The following TTN variants were observed in gnomAD, a reference collection of about 807,000 sequenced individuals.
The protein encoded by TTN is connectin.
Under a neutral mutation model 3,223.0 loss-of-function variants are expected in TTN, and 1,525 were observed. The ratio of observed to expected loss-of-function variants is 0.47; its 90% CI spans 0.45 to 0.49. The LOEUF (loss-of-function observed/expected upper bound fraction) is 0.49. Ranked by LOEUF, TTN falls within the 20% of genes least tolerant of loss-of-function variation. The pLI is 0.00. For missense variants in TTN, 40,786 were observed against 43,424.0 expected (o/e 0.94, Z 5.40); for synonymous variants, 14,094 against 15,161.0 (o/e 0.93, Z 5.17).
Position 178,773,488 on chromosome 2 carries a change from T to C in TTN, c.7568A>G (p.Glu2523Gly). 6.2e-7 allele frequency: 1 copy of C among 1,614,078 alleles called. No homozygotes were observed. Among genetic ancestry groups the C allele is most frequent in the Non-Finnish European group, 8.5e-7 (1 of 1,179,972 alleles). Residue 2523 changes from glutamate (E) to glycine (G), a missense_variant, in exon 32 of 363, where the codon GAA (glutamate) becomes GGA (glycine). Coordinates refer to ENST00000589042, the MANE Select transcript of TTN (RefSeq NM_001267550.2). ...TTCTACAGAGAGATTACAGTTGGTT[T>C]CAACTCTGCCAACTATCAGCTTGTA... ...GPYKLIVGRV[E>G]TNCNLSVEKI...
At position 178,619,860 on chromosome 2, in the gene TTN, G is replaced by A. The variant is rs1234009054; in HGVS notation, c.46457C>T (p.Pro15486Leu). Residue 15486 changes from proline to leucine, a missense_variant, in exon 250 of 363, where the codon CCA (proline) becomes CTA (leucine). Physicochemically the swap from Pro to Leu is moderately conservative, Grantham distance 98. Coordinates refer to ENST00000589042, the MANE Select transcript of TTN (RefSeq NM_001267550.2). ...EEIPVEIIRP[P>L]QDILEAPGAD... is the part of the protein sequence containing the mutation. ...ACCAGGGGCTTCAAGAATATCTTGT[G>A]GAGGCCTGATGATCTCAACAGGAAT... The A allele has an allele frequency of 1.9e-6, 3 of 1,611,432 alleles. No individual in the cohort carries two copies. The African/African-American group carries it at 4.0e-5, about 22-fold the overall frequency.
At chr2:178,649,784 A>T in intron 211 of TTN, 33 bp downstream of exon 211, 1 of 1,599,430 alleles carries the variant, frequency 6.3e-7, no homozygotes, top group Non-Finnish European at 8.5e-7. Context: ...TGTAGACACC[A>T]CAAAAATGAA....
At position 178,707,782 on chromosome 2, in the gene TTN, G is replaced by A. The variant is rs773200956; in HGVS notation, c.28785C>T (p.His9595=). ...EPKKPPVFDQ[H]LTPVTVSEGE... ...CTTCACTCACTGTTACTGGAGTAAG[G>A]TGCTGATCAAATACAGGTGGCTTCT... Residue 9595 remains histidine (H), a synonymous_variant, in exon 100 of 363, where the codon CAC becomes CAT. Coordinates refer to ENST00000589042, the MANE Select transcript of TTN (RefSeq NM_001267550.2). The A allele has an allele frequency of 6.2e-7, 1 of 1,609,540 alleles. No homozygotes were observed. Among genetic ancestry groups the A allele is most frequent in the South Asian group, 1.1e-5 (1 of 90,618 alleles).
At chr2:178,779,820 C>T (rs2092605814) in intron 22 of TTN, 180 bp downstream of exon 22, 1 of 630,444 alleles carries the variant, frequency 1.6e-6, no homozygotes, top group South Asian at 2.0e-5. Context: ...TATGTAATCT[C>T]TATTTCTAAA....
Position 178,607,624 on chromosome 2 carries a change from C to T in TTN, c.53064G>A (p.Lys17688=), listed in dbSNP as rs750979372. ...TCACCACAGCTGGAATTCTAAGAGT[C>T]TTCCCAGCCATTATTTGTATTCCAC... is the stretch of plus-strand genomic sequence containing the variant. ...VKGGIQIMAG[K]TLRIPAVVTG... is the part of the protein sequence containing the mutation. The change falls in exon 277 of 363, where the codon AAG becomes AAA. Residue 17688 remains lysine (K), a synonymous_variant. Transcript: ENST00000589042. 1 of 1,613,056 alleles carries T rather than the reference C, an allele frequency of 6.2e-7. No homozygotes were observed. Among genetic ancestry groups the T allele is most frequent in the Non-Finnish European group, 8.5e-7 (1 of 1,179,398 alleles).
At chr2:178,759,253 A>G in intron 43 of TTN, 81 bp from the exon 44 acceptor site, 1 of 1,361,832 alleles carries the variant, frequency 7.3e-7, no homozygotes, top group Non-Finnish European at 1.0e-6. Flanking sequence ...CAATGTTAAT[A>G]ATACTAGTGC....
rs1266298136 is a variant in TTN at position 178,665,777 on chromosome 2, G to C, written c.35890C>G (p.Arg11964Gly). Residue 11964 changes from arginine (R) to glycine (G), a missense_variant, in exon 164 of 363, where the codon CGA becomes GGA. Coordinates refer to ENST00000589042, the MANE Select transcript of TTN (RefSeq NM_001267550.2). ...TPSPTVPESP[R>G]EIVPVKETPM... The stretch of plus-strand genomic sequence containing the variant: ...GTTTCCTTTACAGGGACAATTTCTC[G>C]AGGTGATTCAGGCACTTTAAAGATA... The C allele has an allele frequency of 1.2e-5, 16 of 1,294,556 alleles. No individual in the cohort carries two copies. Among genetic ancestry groups the C allele is most frequent in the Non-Finnish European group, 1.1e-5 (11 of 1,026,088 alleles). 80.2% of individuals were successfully genotyped at this position (1,294,556 alleles called of 1,614,324 possible).
rs774740211 is a variant in TTN, at chr2:178,599,443, G to A, written c.56350C>T (p.Arg18784Cys). 7 of 1,521,986 alleles carry A rather than the reference G, an allele frequency of 4.6e-6. No homozygotes were observed. The highest frequency in any genetic ancestry group is 6.1e-6 in the Non-Finnish European group (7 of 1,138,344). 94.3% of individuals were successfully genotyped at this position (1,521,986 alleles called of 1,614,324 possible). ...SKEMRLNVLG[R>C]PGPPVGPIKF... Reference sequence around the variant, plus strand: ...ATGGGTCCCACTGGAGGGCCAGGACGACCTAAAATGGTTTAAAGAAGGAAC... The same window carrying A: ...ATGGGTCCCACTGGAGGGCCAGGACAACCTAAAATGGTTTAAAGAAGGAAC... The change falls in exon 290 of 363, where the codon CGT (arginine) becomes TGT (cysteine). Residue 18784 changes from arginine to cysteine, a missense_variant and splice_region_variant. Transcript: ENST00000589042.
At chr2:178,649,983 T>A in intron 210 of TTN, 89 bp from the exon 211 acceptor site, 4 of 1,456,244 alleles carry the variant, frequency 2.7e-6, no homozygotes, top group Non-Finnish European at 3.8e-6. Context: ...ACATATTTCT[T>A]GGTATATGTG....
chr2:178,775,410 T>G lies in TTN; in HGVS notation c.6454A>C (p.Lys2152Gln). The change falls in exon 28 of 363, where the codon AAA becomes CAA. Residue 2152 changes from lysine (K) to glutamine (Q), a missense_variant. Coordinates refer to ENST00000589042, the MANE Select transcript of TTN (RefSeq NM_001267550.2). ...GTTTCTCCAGCTATGTTGATGGCTT[T>G]TACCATGATGCTGGCAGAGTCCTCA... ...TAEDSASIMV[K>Q]AINIAGETSS... The G allele has an allele frequency of 6.2e-7, 1 of 1,614,092 alleles. No homozygotes were observed. The highest frequency in any genetic ancestry group is 8.5e-7 in the Non-Finnish European group (1 of 1,180,004).
intron 47 of TTN, chr2:178,751,006 AT>A (rs1483978071): frequency 6.2e-7 from 1 of 1,612,414 alleles, no homozygotes; most frequent in African/African-American, 1.3e-5. Context: ...AAATTTCTTC[AT>A]CAACAATAGT....
chr2:178,756,191 T>C (rs758234750), intron 46 of TTN, 31 bp downstream of exon 46: 1 of 1,508,668 alleles, frequency 6.6e-7, no homozygotes, highest in Non-Finnish European at 9.1e-7. Context: ...GAGGATGAAA[T>C]GAAGCAAGTC....
At position 178,536,296 on chromosome 2, in the gene TTN, G is replaced by C. The variant is rs1235877834; in HGVS notation, c.100451C>G (p.Pro33484Arg). The change falls in exon 357 of 363, where the codon CCC becomes CGC. Residue 33484 changes from proline to arginine, a missense_variant. Physicochemically the swap from Pro to Arg is moderately radical, Grantham distance 103. Coordinates refer to ENST00000589042, the MANE Select transcript of TTN (RefSeq NM_001267550.2). ...TGGGACATCAGATTTGGGAGTGATG[G>C]GTTCTGATATTTCACTCCATTCACT... ...GESEWSEISE[P>R]ITPKSDVPIQ... The C allele has an allele frequency of 3.7e-6, 6 of 1,613,494 alleles. No homozygotes were observed. The African/African-American group carries it at 8.0e-5, about 22-fold the overall frequency.
rs555476312 is a variant in TTN at position 178,530,482 on chromosome 2, G to C, written c.106133C>G (p.Ala35378Gly). Reference protein sequence around the residue: ...SKTNLQFMGQAFKSIHEKVSK... With the variant: ...SKTNLQFMGQGFKSIHEKVSK... Reference sequence around the variant, plus strand: ...TACCTTCTCATGGATACTCTTAAAGGCTTGCCCCATAAATTGTAAGTTGGT... The same window carrying C: ...TACCTTCTCATGGATACTCTTAAAGCCTTGCCCCATAAATTGTAAGTTGGT... Residue 35378 changes from alanine (A) to glycine (G), a missense_variant, in exon 358 of 363, where the codon GCC becomes GGC. Transcript: ENST00000589042. The C allele has an allele frequency of 4.1e-5, 66 of 1,613,816 alleles. No individual in the cohort carries two copies. The highest frequency in any genetic ancestry group is 3.7e-4 in the Admixed American group (22 of 60,000).
chr2:178,570,883 G>T lies in TTN; in HGVS notation c.75249C>A (p.Ala25083=), dbSNP rs267599037. The T allele has an allele frequency of 1.2e-6, 2 of 1,613,430 alleles. No individual in the cohort carries two copies. The highest frequency in any genetic ancestry group is 1.1e-5 in the South Asian group (1 of 91,070). ...EDHRYEFRVI[A]RNAAGVFSEP... ...CACTAAACACTCCTGCGGCATTTCGGGCTATAACCCGGAACTCATATCTGT... is the reference window on the plus strand; with the variant it reads ...CACTAAACACTCCTGCGGCATTTCGTGCTATAACCCGGAACTCATATCTGT... Residue 25083 remains alanine (A), a synonymous_variant, in exon 326 of 363, where the codon GCC becomes GCA. Coordinates refer to ENST00000589042, the MANE Select transcript of TTN (RefSeq NM_001267550.2).
chr2:178,695,819 C>G (rs2073601637), intron 114 of TTN, 46 bp downstream of exon 114: 1 of 1,348,492 alleles, frequency 7.4e-7, no homozygotes, highest in Non-Finnish European at 9.6e-7. Flanking sequence ...ATGAACTGAG[C>G]AAAAATGAAG....
intron 336 of TTN, 114 bp downstream of exon 336, chr2:178,550,853 T>C (rs1278354573): frequency 1.1e-6 from 1 of 937,854 alleles, no homozygotes; most frequent in African/African-American, 1.7e-5. Flanking sequence ...ATTCATCCAC[T>C]TAGCAACCTT....
At position 178,800,499 on chromosome 2, in the gene TTN, C is replaced by T; in HGVS notation, c.479G>A (p.Ser160Asn). ...FQISQEGDLYSLLIAEAYPED... is the reference protein window; with the variant it reads ...FQISQEGDLYNLLIAEAYPED... ...AGGGTATGCTTCTGCAATCAGTAAGCTGTAGAGGTCGCCTTCTTGTGAAAT... is the reference window on the plus strand; with the variant it reads ...AGGGTATGCTTCTGCAATCAGTAAGTTGTAGAGGTCGCCTTCTTGTGAAAT... The change falls in exon 4 of 363, where the codon AGC (serine) becomes AAC (asparagine). Residue 160 changes from serine (S) to asparagine (N), a missense_variant. Physicochemically the swap from Ser to Asn is conservative, Grantham distance 46. Transcript: ENST00000589042. 1 of 1,614,166 alleles carries T rather than the reference C, an allele frequency of 6.2e-7. No individual in the cohort carries two copies. Among genetic ancestry groups the T allele is most frequent in the Non-Finnish European group, 8.5e-7 (1 of 1,180,020 alleles).
Position 178,582,134 on chromosome 2 carries a change from G to A in TTN, c.66235C>T (p.Pro22079Ser). ...KDHMTVSWKP[P>S]ADDGGSPITG... ...ATGGGTGAGCCCCCATCATCTGCTG[G>A]TGGCTTCCAGCTGACTGTCATGTGA... Residue 22079 changes from proline (P) to serine (S), a missense_variant, in exon 315 of 363, where the codon CCA becomes TCA. Pro to Ser is a moderately conservative substitution (Grantham distance 74, BLOSUM62 -1). Transcript: ENST00000589042. The A allele has an allele frequency of 6.2e-7, 1 of 1,612,682 alleles. No homozygotes were observed. The highest frequency in any genetic ancestry group is 8.5e-7 in the Non-Finnish European group (1 of 1,179,518).
Sources: gnomAD v4.1 joint callset for allele counts on GRCh38, gnomAD v4.1.1 for gene constraint, MANE v1.5 for transcripts, NCBI Gene and HGNC (gene_info 2026-07-23, HGNC 2026-07-21) for gene names.